CSGALNACT1: variants seen among roughly 807,000 people sequenced by gnomAD.
CSGALNACT1 encodes the protein beta4GalNAcT-1.
A neutral mutation model predicts 51.0 loss-of-function variants in CSGALNACT1; 52 were observed. That is an observed-to-expected ratio of 1.02 (90% CI 0.82 to 1.29). CSGALNACT1 has a LOEUF of 1.29. Among genes scored for constraint, CSGALNACT1 ranks in the 50% most tolerant of loss-of-function variants. CSGALNACT1 has a pLI of 0.00. For missense variants in CSGALNACT1, 935 were observed against 679.2 expected (o/e 1.38, Z -4.19); for synonymous variants, 341 against 254.4 (o/e 1.34, Z -3.24).
intron 1 of CSGALNACT1, among the ~76,000 whole-genome samples, chr8:19,622,635 C>G (rs2053959830): frequency 6.6e-6 from 1 of 151,942 alleles, no homozygotes; most frequent in African/African-American, 2.4e-5. Flanking sequence ...TTGCATTGTC[C>G]AGGAAGTGGT....
chr8:19,630,927 T>C (rs1284784491), intron 1 of CSGALNACT1, among the ~76,000 whole-genome samples: 2 of 152,176 alleles, frequency 1.3e-5, no homozygotes, highest in Non-Finnish European at 2.9e-5. Context: ...TTGTATCCGT[T>C]TGGTACATTT....
At chr8:19,682,964 C>A, upstream of CSGALNACT1, 1 of 297,328 alleles carries the variant, frequency 3.4e-6, no homozygotes, top group Non-Finnish European at 6.8e-6. Context: ...TCGCTGCAGT[C>A]CTTCGTAAAC....
chr8:19,476,988 CA>C (rs1475532752), intron 4 of CSGALNACT1, among the ~76,000 whole-genome samples: 3 of 152,170 alleles, frequency 2.0e-5, no homozygotes, highest in Non-Finnish European at 4.4e-5. Context: ...GACCCAGTTG[CA>C]GAATCTGTCA....
chr8:19,442,552 A>G (rs2061489058), intron 5 of CSGALNACT1, among the ~76,000 whole-genome samples: 1 of 125,346 alleles, frequency 8.0e-6, no homozygotes, highest in African/African-American at 3.0e-5. Context: ...GGGGAACATC[A>G]CACTCTGGGG....
At chr8:19,632,662 G>A (rs1589156936) in intron 1 of CSGALNACT1, among the ~76,000 whole-genome samples, 1 of 152,170 alleles carries the variant, frequency 6.6e-6, no homozygotes, top group African/African-American at 2.4e-5. Context: ...GTAAAACACT[G>A]AAATACTCAC....
At chr8:19,554,894 G>A (rs1256283664) in intron 3 of CSGALNACT1, among the ~76,000 whole-genome samples, 1 of 152,060 alleles carries the variant, frequency 6.6e-6, no homozygotes, top group Non-Finnish European at 1.5e-5. Flanking sequence ...TTGCAGCCTG[G>A]GTGACAGAGG....
chr8:19,493,641 G>T (rs1224445773), intron 4 of CSGALNACT1, among the ~76,000 whole-genome samples: 1 of 152,098 alleles, frequency 6.6e-6, no homozygotes, highest in Non-Finnish European at 1.5e-5. Flanking sequence ...TTTTCTCAAG[G>T]ACCATTTATG....
intron 1 of CSGALNACT1, among the ~76,000 whole-genome samples, chr8:19,626,459 A>G (rs2054470249): frequency 1.3e-5 from 2 of 152,226 alleles, no homozygotes; most frequent in Non-Finnish European, 2.9e-5. Context: ...CTAGATCTCA[A>G]TGTAAAATGG....
intron 1 of CSGALNACT1, among the ~76,000 whole-genome samples, chr8:19,617,861 A>T (rs1307940883): frequency 6.6e-6 from 1 of 152,182 alleles, no homozygotes; most frequent in Non-Finnish European, 1.5e-5. Context: ...GAACTTAATA[A>T]AAGTCATTAT....
At chr8:19,496,999 C>G (rs1289726603) in intron 4 of CSGALNACT1, among the ~76,000 whole-genome samples, 1 of 152,154 alleles carries the variant, frequency 6.6e-6, no homozygotes, top group African/African-American at 2.4e-5. Context: ...CGCCTCCCCT[C>G]TATGGAGCAA....
exon 8 of CSGALNACT1, chr8:19,418,727 G>T (rs148049722): frequency 1.9e-6 from 3 of 1,612,464 alleles, no homozygotes; most frequent in Non-Finnish European, 2.5e-6. Flanking sequence ...TGACTGAAAA[G>T]AACTGGATAA....
chr8:19,688,364 G>T (rs2061095919), intron 1 of CSGALNACT1, among the ~76,000 whole-genome samples: 1 of 152,064 alleles, frequency 6.6e-6, no homozygotes, highest in Non-Finnish European at 1.5e-5. Context: ...AAATCTCTTT[G>T]GTCTAATATA....
intron 1 of CSGALNACT1, among the ~76,000 whole-genome samples, chr8:19,612,473 T>C (rs2052398140): frequency 6.6e-6 from 1 of 152,142 alleles, no homozygotes; most frequent in Non-Finnish European, 1.5e-5. Flanking sequence ...TTCTTCACTA[T>C]TTCCTCAAGA....
chr8:19,642,512 T>A (rs1265171346), intron 1 of CSGALNACT1, among the ~76,000 whole-genome samples: 1 of 152,164 alleles, frequency 6.6e-6, no homozygotes, highest in East Asian at 1.9e-4. Context: ...GGCTCATGCC[T>A]GTAATCCCAG....
At chr8:19,455,981 G>C (rs2064008224) in intron 5 of CSGALNACT1, among the ~76,000 whole-genome samples, 1 of 152,142 alleles carries the variant, frequency 6.6e-6, no homozygotes, top group Non-Finnish European at 1.5e-5. Flanking sequence ...CACGAGCAAG[G>C]GACATCCAAA....
intron 5 of CSGALNACT1, among the ~76,000 whole-genome samples, chr8:19,446,172 C>T (rs2062078651): frequency 6.6e-6 from 1 of 152,110 alleles, no homozygotes; most frequent in African/African-American, 2.4e-5. Context: ...GAGACTCCAT[C>T]TCAAAATAAA....
upstream of CSGALNACT1, chr8:19,682,767 C>G (rs2060721230): frequency 2.2e-6 from 1 of 453,942 alleles, no homozygotes; most frequent in African/African-American, 2.0e-5. Context: ...AGCCCGTCTG[C>G]CCAAGTTTGA....
chr8:19,706,345 T>C (rs1225749089), intron 1 of CSGALNACT1, among the ~76,000 whole-genome samples: 1 of 152,166 alleles, frequency 6.6e-6, no homozygotes, highest in East Asian at 1.9e-4. Context: ...GAGAATTTCC[T>C]CCACATCCTC....
At chr8:19,703,915 T>C (rs1204197064) in intron 1 of CSGALNACT1, among the ~76,000 whole-genome samples, 2 of 152,208 alleles carry the variant, frequency 1.3e-5, no homozygotes, top group Non-Finnish European at 2.9e-5. Flanking sequence ...CAGGAGCCTC[T>C]TACATAGTAC....
Sources: allele counts gnomAD v4.1 joint callset (sites outside exome capture counted in the v4.1 genomes callset), GRCh38; gene constraint gnomAD v4.1.1; transcripts MANE v1.5; gene names NCBI Gene and HGNC (gene_info 2026-07-23, HGNC 2026-07-21).